CLMN: variants seen among roughly 807,000 people sequenced by gnomAD.
CLMN encodes the protein calmin (calponin-like, transmembrane).
Under a neutral mutation model 92.7 loss-of-function variants are expected in CLMN, and 57 were observed. That is an observed-to-expected ratio of 0.61 (90% CI 0.50 to 0.77). CLMN has a LOEUF of 0.77. CLMN is among the 30% of genes least tolerant of loss of function. CLMN has a pLI of 0.00. For missense variants in CLMN, 1,158 were observed against 1,237.5 expected, an observed-to-expected ratio of 0.94 and a Z score of 0.96; for synonymous variants, 466 against 470.6, an observed-to-expected ratio of 0.99 and a Z score of 0.13.
intron 1 of CLMN, among the ~76,000 whole-genome samples, chr14:95,272,323 G>A (rs886229316): frequency 6.6e-6 from 1 of 152,128 alleles, no homozygotes; most frequent in African/African-American, 2.4e-5. Flanking sequence ...AGGAGGAGGA[G>A]GGTATTAGAG....
At chr14:95,267,254 A>G (rs531842758) in intron 1 of CLMN, among the ~76,000 whole-genome samples, 1 of 152,382 alleles carries the variant, frequency 6.6e-6, no homozygotes, top group South Asian at 2.1e-4. Flanking sequence ...ACAGAATGGG[A>G]GAAAATATTT....
At position 95,194,850 on chromosome 14, in the gene CLMN, A is replaced by T. The variant is rs1272482946; in HGVS notation, c.2709-254T>A. Among the ~76,000 whole-genome samples, 1 of 152,282 alleles carries T rather than the reference A, an allele frequency of 6.6e-6. No homozygotes were observed. Among genetic ancestry groups the T allele is most frequent in the Admixed American group, 6.5e-5 (1 of 15,292 alleles). On this transcript the variant is annotated intron_variant, in intron 10 of 12. Transcript: ENST00000298912. This position sits in a 1 kb window ranked among gnomAD's most constrained non-coding sequence, Gnocchi z 4.0. The stretch of plus-strand genomic sequence containing the variant: ...AAAAATCAAAGTCAGGATTTTAAAT[A>T]GAAAGCAAGGCACATATTCTTAAAA...
Position 95,189,636 on chromosome 14 carries a change from TGGCTCTTCCCA to T in CLMN, c.*1917_*1927del, listed in dbSNP as rs957948455. The T allele has an allele frequency of 6.6e-6, 1 of 152,264 alleles. No homozygotes were observed. Among genetic ancestry groups the T allele is most frequent in the African/African-American group, 2.4e-5 (1 of 41,472 alleles). 9.4% of individuals were successfully genotyped at this position (152,264 alleles called of 1,614,324 possible). On this transcript the variant is annotated 3_prime_UTR_variant, in exon 13 of 13. Coordinates refer to ENST00000298912, the MANE Select transcript of CLMN (RefSeq NM_024734.4). ...AAAATGAAATGATTCACATTTGGGT[TGGCTCTTCCCA>T]GGCTCTTCGAGCATCTAATTTAGGC... is the stretch of plus-strand genomic sequence containing the variant.
chr14:95,270,541 G>A lies in CLMN; in HGVS notation c.83-40408C>T, dbSNP rs116601518. On this transcript the variant is annotated intron_variant, in intron 1 of 12. Transcript: ENST00000298912. ...TATAAATGGAATCATATAATATGTGGCCTTTTGGACTGGCTTCTTTTAGCA... is the reference window on the plus strand; with the variant it reads ...TATAAATGGAATCATATAATATGTGACCTTTTGGACTGGCTTCTTTTAGCA... Among the ~76,000 whole-genome samples, 561 of 152,248 alleles carry A rather than the reference G, an allele frequency of 3.7e-3. 2 individuals are homozygous for A. Among genetic ancestry groups the A allele is most frequent in the African/African-American group, 0.013 (528 of 41,550 alleles).
At chr14:95,310,131 C>T (rs1393852297) in intron 1 of CLMN, among the ~76,000 whole-genome samples, 3 of 152,094 alleles carry the variant, frequency 2.0e-5, no homozygotes, top group East Asian at 1.9e-4. Flanking sequence ...TCCCTTCTGC[C>T]GTGATTGGAA....
At chr14:95,300,883 G>A (rs10137846) in intron 1 of CLMN, among the ~76,000 whole-genome samples, 2,046 of 152,298 alleles carry the variant, frequency 0.013, 38 homozygotes, top group African/African-American at 0.047. Flanking sequence ...GCCTGGAACC[G>A]AGCAGACGCT....
intron 9 of CLMN, among the ~76,000 whole-genome samples, chr14:95,198,581 C>A (rs917547107): frequency 6.6e-6 from 1 of 152,006 alleles, no homozygotes; most frequent in Non-Finnish European, 1.5e-5. Context: ...GGCAGCGGAC[C>A]GGAGCCAAGT....
At chr14:95,289,188 TC>T (rs769961685) in intron 1 of CLMN, among the ~76,000 whole-genome samples, 232 of 152,200 alleles carry the variant, frequency 1.5e-3, no homozygotes, top group Non-Finnish European at 1.9e-3. Flanking sequence ...ATATGACACT[TC>T]ATATAAATCC....
At chr14:95,233,448 C>T (rs574351244) in intron 1 of CLMN, among the ~76,000 whole-genome samples, 3 of 152,188 alleles carry the variant, frequency 2.0e-5, no homozygotes, top group African/African-American at 2.4e-5. Context: ...TCTGTCCATC[C>T]ATCCATCCAT....
At chr14:95,314,346 T>G (rs1901670692) in intron 1 of CLMN, among the ~76,000 whole-genome samples, 1 of 151,816 alleles carries the variant, frequency 6.6e-6, no homozygotes, top group Non-Finnish European at 1.5e-5. Flanking sequence ...GAAGTGAATC[T>G]CCAGCACTCC....
At chr14:95,222,679 G>C (rs1897584964) in intron 3 of CLMN, 2 of 447,940 alleles carry the variant, frequency 4.5e-6, no homozygotes, top group Non-Finnish European at 4.5e-6. Context: ...GTCTTTTGGG[G>C]ACCGTGCTCA....
intron 1 of CLMN, among the ~76,000 whole-genome samples, chr14:95,253,358 G>A (rs1428684659): frequency 6.6e-6 from 1 of 152,186 alleles, no homozygotes; most frequent in Non-Finnish European, 1.5e-5. Context: ...ACAGGGTTCC[G>A]CTCCATGGCC....
intron 1 of CLMN, among the ~76,000 whole-genome samples, chr14:95,317,534 C>T (rs1386824381): frequency 6.6e-6 from 1 of 151,266 alleles, no homozygotes; most frequent in Non-Finnish European, 1.5e-5. Flanking sequence ...TGGAATAGTA[C>T]TCAGCAAGAA....
intron 1 of CLMN, among the ~76,000 whole-genome samples, chr14:95,280,659 C>T (rs894552309): frequency 2.6e-5 from 4 of 152,116 alleles, no homozygotes; most frequent in African/African-American, 9.7e-5. Flanking sequence ...ATTAGATTCC[C>T]TAAAGTCCAA....
At chr14:95,270,918 A>G (rs1212477987) in intron 1 of CLMN, among the ~76,000 whole-genome samples, 1 of 152,236 alleles carries the variant, frequency 6.6e-6, no homozygotes, top group Non-Finnish European at 1.5e-5. Context: ...CAACTGTTTT[A>G]TATTTCCTCT....
chr14:95,276,474 T>C (rs1022134327), intron 1 of CLMN, among the ~76,000 whole-genome samples: 1 of 152,196 alleles, frequency 6.6e-6, no homozygotes, highest in Admixed American at 6.5e-5. Flanking sequence ...TGGGAGCTGA[T>C]GGGATTGCTG....
At chr14:95,214,473 C>A (rs146247431) in intron 5 of CLMN, among the ~76,000 whole-genome samples, 4 of 151,014 alleles carry the variant, frequency 2.6e-5, no homozygotes, top group Non-Finnish European at 4.4e-5. Flanking sequence ...ACTCAGCCTT[C>A]CAAGTTGCTG....
chr14:95,229,517 T>C (rs1446352490), intron 2 of CLMN, among the ~76,000 whole-genome samples: 2 of 152,156 alleles, frequency 1.3e-5, no homozygotes, highest in African/African-American at 4.8e-5. Flanking sequence ...TCCGTGCCTC[T>C]GTTTCCTCCT....
intron 6 of CLMN, among the ~76,000 whole-genome samples, chr14:95,212,327 T>C (rs1330485809): frequency 6.6e-6 from 1 of 152,242 alleles, no homozygotes; most frequent in Non-Finnish European, 1.5e-5. Context: ...AACCAGTCTG[T>C]ACGCTGAGGA....
Sources: gnomAD v4.1 joint callset for allele counts (sites outside exome capture counted in the v4.1 genomes callset) on GRCh38, gnomAD v4.1.1 for gene constraint, Gnocchi (gnomAD v3.1) non-coding constraint, MANE v1.5 for transcripts, NCBI Gene and HGNC (gene_info 2026-07-23, HGNC 2026-07-21) for gene names.